ST8SIA4: variants seen among roughly 807,000 people sequenced by gnomAD.
ST8SIA4 encodes the protein ST8 alpha-N-acetyl-neuraminide alpha-2,8-sialyltransferase 4, also known as CMP-N-acetylneuraminate-poly-alpha-2,8-sialyltransferase.
ST8SIA4 carries 15 observed loss-of-function variants against 33.9 expected under a neutral mutation model. The observed-to-expected ratio is 0.44, with a 90% confidence interval of 0.30 to 0.68. ST8SIA4 has a LOEUF of 0.68. Ranked by LOEUF, ST8SIA4 falls within the 30% of genes least tolerant of loss-of-function variation. ST8SIA4 has a pLI of 0.10. For synonymous variants in ST8SIA4, 171 were observed against 151.2 expected (o/e 1.13, Z -0.96); for missense variants, 321 against 428.0 (o/e 0.75, Z 2.21).
Position 100,903,036 on chromosome 5 carries a change from C to A in ST8SIA4, c.-81G>T. On this transcript the variant is annotated 5_prime_UTR_variant, in exon 1 of 5. Coordinates refer to ENST00000231461, the MANE Select transcript of ST8SIA4 (RefSeq NM_005668.6). ...AAAGGCTCCGTTTTGGGGAGATAGT[C>A]GCGGGGGTGAAATCTGTAAAATGCG... is the stretch of plus-strand genomic sequence containing the variant. 1 of 995,040 alleles carries A rather than the reference C, an allele frequency of 1.0e-6. No homozygotes were observed. The highest frequency in any genetic ancestry group is 1.3e-5 in the South Asian group (1 of 75,614). 61.6% of individuals were successfully genotyped at this position (995,040 alleles called of 1,614,324 possible). A position where few individuals can be genotyped will look rare whatever the true frequency, so the allele number is the denominator to read the frequency against.
At chr5:100,814,691 G>A (rs1313669562) in intron 4 of ST8SIA4, among the ~76,000 whole-genome samples, 1 of 151,844 alleles carries the variant, frequency 6.6e-6, no homozygotes, top group African/African-American at 2.4e-5. Context: ...TGTATTTTGT[G>A]TTTATTATCA....
At chr5:100,873,998 C>A (rs1208277768) in intron 3 of ST8SIA4, among the ~76,000 whole-genome samples, 1 of 152,044 alleles carries the variant, frequency 6.6e-6, no homozygotes, top group Non-Finnish European at 1.5e-5. Flanking sequence ...ACAATTTTCA[C>A]AACCAACAAA....
intron 3 of ST8SIA4, among the ~76,000 whole-genome samples, chr5:100,874,677 C>T (rs994293174): frequency 3.3e-5 from 5 of 151,950 alleles, no homozygotes; most frequent in Admixed American, 1.3e-4. Flanking sequence ...CTCAACCTCC[C>T]GGGGTCAAGT....
At chr5:100,842,159 G>A (rs1751483817) in intron 4 of ST8SIA4, among the ~76,000 whole-genome samples, 1 of 151,734 alleles carries the variant, frequency 6.6e-6, no homozygotes, top group Non-Finnish European at 1.5e-5. Context: ...AGTCTGATAG[G>A]AATTTGCAAT....
At position 100,807,761 on chromosome 5, in the gene ST8SIA4, A is replaced by G. The variant is rs1223957067; in HGVS notation, c.*4086T>C. ...CAGTGCAGACCCTGAAGATGTTAGC[A>G]TAACACAAATTTAGTGTATACATAT... On this transcript the variant is annotated 3_prime_UTR_variant, in exon 5 of 5. Coordinates refer to ENST00000231461, the MANE Select transcript of ST8SIA4 (RefSeq NM_005668.6). 6.6e-6 allele frequency: 1 copy of G among 152,580 alleles called. No individual in the cohort carries two copies. Among genetic ancestry groups the G allele is most frequent in the African/African-American group, 2.4e-5 (1 of 41,454 alleles). The allele number at this position is 152,580 out of a possible 1,614,324, so 9.5% of individuals were successfully genotyped here. A position where few individuals can be genotyped will look rare whatever the true frequency, so the allele number is the denominator to read the frequency against.
chr5:100,859,100 C>A (rs1751878405), intron 3 of ST8SIA4, among the ~76,000 whole-genome samples: 1 of 151,932 alleles, frequency 6.6e-6, no homozygotes. Context: ...ATTAAAAAAT[C>A]AAAAATAACC....
At chr5:100,840,280 G>T (rs1751446107) in intron 4 of ST8SIA4, among the ~76,000 whole-genome samples, 1 of 151,846 alleles carries the variant, frequency 6.6e-6, no homozygotes, top group South Asian at 2.1e-4. Flanking sequence ...CCAAAGCAGA[G>T]AATACATACA....
At chr5:100,835,170 G>GT (rs1751342638) in intron 4 of ST8SIA4, among the ~76,000 whole-genome samples, 1 of 151,988 alleles carries the variant, frequency 6.6e-6, no homozygotes, top group Admixed American at 6.6e-5. Context: ...AAAGCTACCC[G>GT]TAAGTTCAGA....
chr5:100,892,995 G>A (rs749402668), intron 2 of ST8SIA4, among the ~76,000 whole-genome samples: 1 of 151,472 alleles, frequency 6.6e-6, no homozygotes, highest in Admixed American at 6.6e-5. Flanking sequence ...GGAACTTAAA[G>A]TAAAATAAAA....
intron 4 of ST8SIA4, among the ~76,000 whole-genome samples, chr5:100,847,394 G>C (rs989743041): frequency 6.6e-6 from 1 of 152,004 alleles, no homozygotes; most frequent in Non-Finnish European, 1.5e-5. Context: ...TTTTGCTAAA[G>C]ACTATTGGGA....
intron 3 of ST8SIA4, among the ~76,000 whole-genome samples, chr5:100,858,984 A>G (rs1452713027): frequency 6.6e-6 from 1 of 152,072 alleles, no homozygotes. Flanking sequence ...TCCCTGGAAA[A>G]TAGAGTAATA....
At chr5:100,885,485 T>C (rs1423380) in intron 3 of ST8SIA4, 337,313 of 920,744 alleles carry the variant, frequency 0.37, 64,090 homozygotes, top group African/African-American at 0.54. Flanking sequence ...TGTATTCCAG[T>C]ATATCTTCAA....
chr5:100,881,754 TG>T (rs1398357391), intron 3 of ST8SIA4, among the ~76,000 whole-genome samples: 1 of 152,088 alleles, frequency 6.6e-6, no homozygotes, highest in Non-Finnish European at 1.5e-5. Context: ...ATCATGGGGG[TG>T]GTTTCACCCA....
chr5:100,807,518 A>G lies in ST8SIA4; in HGVS notation c.*4329T>C, dbSNP rs1484536171. ...GAGAAACACAAGGCCTGGAGCCACA[A>G]TCTGAAAACTGTAATTCGAATACAT... On this transcript the variant is annotated 3_prime_UTR_variant, in exon 5 of 5. Coordinates refer to ENST00000231461, the MANE Select transcript of ST8SIA4 (RefSeq NM_005668.6). The G allele has an allele frequency of 6.6e-6, 1 of 152,556 alleles. No individual in the cohort carries two copies. Among genetic ancestry groups the G allele is most frequent in the Non-Finnish European group, 1.5e-5 (1 of 67,958 alleles). The allele number at this position is 152,556 out of a possible 1,614,324, so 9.5% of individuals were successfully genotyped here. A position where few individuals can be genotyped will look rare whatever the true frequency, so the allele number is the denominator to read the frequency against.
rs1003098382 is a variant in ST8SIA4 at position 100,822,578 on chromosome 5, T to C, written c.798-10449A>G. 2.0e-5 allele frequency among the ~76,000 whole-genome samples: 3 copies of C among 152,236 alleles called. No individual in the cohort carries two copies. In the South Asian group the frequency reaches 6.2e-4, roughly 31 times the overall value. On this transcript the variant is annotated intron_variant, in intron 4 of 4. Coordinates refer to ENST00000231461, the MANE Select transcript of ST8SIA4 (RefSeq NM_005668.6). ...TGATAACGTACAAATAATAGTTCAC[T>C]GTAAATTACGAATCAATATGTAAAT...
chr5:100,818,395 C>T (rs1482155450), intron 4 of ST8SIA4, among the ~76,000 whole-genome samples: 1 of 151,876 alleles, frequency 6.6e-6, no homozygotes, highest in Non-Finnish European at 1.5e-5. Flanking sequence ...TAAGAGAGGA[C>T]TAGTATAAAG....
intron 3 of ST8SIA4, among the ~76,000 whole-genome samples, chr5:100,863,410 A>T (rs77454920): frequency 6.6e-6 from 1 of 152,194 alleles, no homozygotes; most frequent in Non-Finnish European, 1.5e-5. Flanking sequence ...GAACACATGA[A>T]TTCAAATCAA....
At chr5:100,821,551 A>G (rs181550033) in intron 4 of ST8SIA4, among the ~76,000 whole-genome samples, 2 of 152,326 alleles carry the variant, frequency 1.3e-5, no homozygotes, top group East Asian at 3.9e-4. Context: ...CTCAGTTTAC[A>G]TCAATAAATC....
At chr5:100,859,792 C>A (rs2083305748) in intron 3 of ST8SIA4, among the ~76,000 whole-genome samples, 1 of 151,880 alleles carries the variant, frequency 6.6e-6, no homozygotes, top group Non-Finnish European at 1.5e-5. Context: ...AATTCCCTAG[C>A]AAAAAATCTC....
Sources: gnomAD v4.1 joint callset for allele counts (sites outside exome capture counted in the v4.1 genomes callset) on GRCh38, gnomAD v4.1.1 for gene constraint, MANE v1.5 for transcripts, NCBI Gene and HGNC (gene_info 2026-07-23, HGNC 2026-07-21) for gene names.